KCNMA1: variants seen among roughly 807,000 people sequenced by gnomAD.
The protein encoded by KCNMA1 is Calcium-activated potassium channel subunit alpha-1.
Under a neutral mutation model 140.0 loss-of-function variants are expected in KCNMA1, and 29 were observed. The ratio of observed to expected loss-of-function variants is 0.21; its 90% CI spans 0.15 to 0.28. The LOEUF (loss-of-function observed/expected upper bound fraction) is 0.28, where lower values mean the gene tolerates loss of function less well. Ranked by LOEUF, KCNMA1 falls within the 10% of genes least tolerant of loss-of-function variation. The pLI, the probability that KCNMA1 is intolerant of heterozygous loss-of-function variation, is 1.00. For missense variants in KCNMA1, 880 were observed against 1,602.2 expected, an observed-to-expected ratio of 0.55 and a Z score of 7.70; for synonymous variants, 612 against 611.9, an observed-to-expected ratio of 1.00 and a Z score of 0.00.
At chr10:77,127,437 G>T (rs1383669640) in intron 5 of KCNMA1, among the ~76,000 whole-genome samples, 1 of 152,006 alleles carries the variant, frequency 6.6e-6, no homozygotes, top group African/African-American at 2.4e-5. Context: ...CAGACATTAG[G>T]ACTCAAGCAC....
intron 3 of KCNMA1, among the ~76,000 whole-genome samples, chr10:77,215,888 C>T (rs1225762330): frequency 7.5e-6 from 1 of 132,634 alleles, no homozygotes; most frequent in African/African-American, 2.8e-5. Context: ...GTCTCTCTCT[C>T]TCTCCTCTCT....
At chr10:76,999,546 G>A (rs1202762550) in intron 19 of KCNMA1, among the ~76,000 whole-genome samples, 1 of 152,172 alleles carries the variant, frequency 6.6e-6, no homozygotes, top group Non-Finnish European at 1.5e-5. Flanking sequence ...ACCTATCTTT[G>A]AACTTGGTGT....
intron 1 of KCNMA1, among the ~76,000 whole-genome samples, chr10:77,411,372 A>G (rs1206946777): frequency 6.6e-6 from 1 of 152,194 alleles, no homozygotes; most frequent in African/African-American, 2.4e-5. Flanking sequence ...CACAATCTAG[A>G]ATAGATATTA....
intron 2 of KCNMA1, among the ~76,000 whole-genome samples, chr10:77,284,944 C>T (rs898489720): frequency 2.0e-5 from 3 of 152,168 alleles, no homozygotes; most frequent in Non-Finnish European, 2.9e-5. Context: ...TCATTTCTCA[C>T]AATATTATAA....
downstream of KCNMA1, among the ~76,000 whole-genome samples, chr10:76,883,573 T>G (rs1473187513): frequency 1.3e-5 from 2 of 152,232 alleles, no homozygotes; most frequent in African/African-American, 2.4e-5. Flanking sequence ...CTACTTATTG[T>G]TCACCCCTTT....
intron 2 of KCNMA1, among the ~76,000 whole-genome samples, chr10:77,338,464 C>T (rs1178681352): frequency 6.6e-6 from 1 of 152,186 alleles, no homozygotes; most frequent in Non-Finnish European, 1.5e-5. Flanking sequence ...AAAATCCTCC[C>T]CTGCAGCCAG....
chr10:77,631,665 AAAGC>A (rs1482703138), intron 1 of KCNMA1, among the ~76,000 whole-genome samples: 5 of 152,198 alleles, frequency 3.3e-5, no homozygotes, highest in Admixed American at 3.3e-4. Flanking sequence ...AGACAGCCCC[AAAGC>A]AAGCACTTAC....
At chr10:77,001,380 A>T (rs1216100751) in intron 19 of KCNMA1, 27 bp downstream of exon 19, 1 of 1,544,848 alleles carries the variant, frequency 6.5e-7, no homozygotes, top group Admixed American at 2.0e-5. Context: ...ACAAACATGG[A>T]ACTACGTGTG....
intron 2 of KCNMA1, among the ~76,000 whole-genome samples, chr10:77,264,595 T>C (rs937346905): frequency 6.6e-5 from 10 of 152,106 alleles, no homozygotes; most frequent in African/African-American, 2.2e-4. Flanking sequence ...TGGAGATCTT[T>C]CATTGCACAG....
intron 19 of KCNMA1, among the ~76,000 whole-genome samples, chr10:76,984,123 T>C (rs1218186963): frequency 2.0e-5 from 3 of 152,226 alleles, no homozygotes; most frequent in Non-Finnish European, 4.4e-5. Flanking sequence ...CAAAATGTAG[T>C]TCTGGCCCCG....
intron 3 of KCNMA1, among the ~76,000 whole-genome samples, chr10:77,238,421 C>T (rs148335589): frequency 1.6e-4 from 24 of 152,278 alleles, no homozygotes; most frequent in African/African-American, 5.5e-4. Flanking sequence ...ACCCACAATA[C>T]ACAAGAGAAG....
chr10:77,457,169 T>C (rs548461257), intron 1 of KCNMA1, among the ~76,000 whole-genome samples: 1 of 152,126 alleles, frequency 6.6e-6, no homozygotes, highest in Non-Finnish European at 1.5e-5. Context: ...GCCGCCCTGC[T>C]AGTCATTGGC....
chr10:77,359,846 C>T (rs563261835), intron 2 of KCNMA1, among the ~76,000 whole-genome samples: 2 of 152,332 alleles, frequency 1.3e-5, no homozygotes, highest in South Asian at 4.1e-4. Flanking sequence ...CTGTTCATTT[C>T]TGTATCCCCA....
At chr10:77,517,091 G>A (rs1079037) in intron 1 of KCNMA1, among the ~76,000 whole-genome samples, 21,947 of 151,906 alleles carry the variant, frequency 0.14, 2,225 homozygotes, top group East Asian at 0.49. Context: ...GGGCGCATTG[G>A]TGAAAAAGGT....
intron 5 of KCNMA1, among the ~76,000 whole-genome samples, chr10:77,169,800 T>G (rs117585432): frequency 6.6e-6 from 1 of 152,208 alleles, no homozygotes; most frequent in East Asian, 1.9e-4. Flanking sequence ...AATTCCTACC[T>G]GGCCTTAAAG....
At position 76,886,272 on chromosome 10, in the gene KCNMA1, C is replaced by A. The variant is rs1025866532; in HGVS notation, c.*994G>T. 1 of 985,160 alleles carries A rather than the reference C, an allele frequency of 1.0e-6. No individual in the cohort carries two copies. The highest frequency in any genetic ancestry group is 1.7e-5 in the African/African-American group (1 of 57,204). The allele number at this position is 985,160 out of a possible 1,614,324, so 61.0% of individuals were successfully genotyped here. A position where few individuals can be genotyped will look rare whatever the true frequency, so the allele number is the denominator to read the frequency against. ...GGAGTAAAAAGATCCCCTGAGAATGCATGGAAAAATACTTGCTCTTTCCTG... is the reference window on the plus strand; with the variant it reads ...GGAGTAAAAAGATCCCCTGAGAATGAATGGAAAAATACTTGCTCTTTCCTG... On this transcript the variant is annotated 3_prime_UTR_variant, in exon 28 of 28. Transcript: ENST00000286628.
Position 77,576,160 on chromosome 10 carries a change from C to T in KCNMA1, c.378+61105G>A, listed in dbSNP as rs143540244. ...GAACCTGTGCTGCTGATCCTCTAAC[C>T]ACCGTCTGAGGAACAAGGCCCTAGA... On this transcript the variant is annotated intron_variant, in intron 1 of 27. Coordinates refer to ENST00000286628, the MANE Select transcript of KCNMA1 (RefSeq NM_001161352.2). 2.6e-5 allele frequency among the ~76,000 whole-genome samples: 4 copies of T among 152,310 alleles called. No homozygotes were observed. The East Asian group carries it at 7.7e-4, about 29-fold the overall frequency.
chr10:77,135,797 G>T (rs760879996), intron 5 of KCNMA1, among the ~76,000 whole-genome samples: 1 of 152,080 alleles, frequency 6.6e-6, no homozygotes, highest in Non-Finnish European at 1.5e-5. Context: ...AGAAAGAGGG[G>T]CTGGGGCGGT....
intron 25 of KCNMA1, among the ~76,000 whole-genome samples, chr10:76,905,290 C>A (rs1049649058): frequency 2.6e-5 from 4 of 151,854 alleles, no homozygotes; most frequent in Non-Finnish European, 5.9e-5. Flanking sequence ...GGGTGTTGGA[C>A]AAAAAAATAA....
Sources: gnomAD v4.1 joint callset for allele counts (sites outside exome capture counted in the v4.1 genomes callset) on GRCh38, gnomAD v4.1.1 for gene constraint, MANE v1.5 for transcripts, NCBI Gene and HGNC (gene_info 2026-07-23, HGNC 2026-07-21) for gene names.